The following VPS11 variants were observed in gnomAD, a reference collection of about 807,000 sequenced individuals.
VPS11 encodes the protein vacuolar protein sorting-associated protein 11 homolog.
A neutral mutation model predicts 106.8 loss-of-function variants in VPS11; 51 were observed. The observed-to-expected ratio is 0.48, with a 90% CI of 0.38 to 0.60. VPS11 has a LOEUF of 0.60. Ranked by LOEUF, VPS11 falls within the 20% of genes least tolerant of loss-of-function variation. The pLI is 0.00. For synonymous variants in VPS11, 453 were observed against 458.7 expected (o/e 0.99, Z 0.16); for missense variants, 950 against 1,190.0 (o/e 0.80, Z 2.97).
Position 119,081,330 on chromosome 11 carries a change from C to T in VPS11, c.2661+16C>T. 6.2e-7 allele frequency: 1 copy of T among 1,613,732 alleles called. No homozygotes were observed. The highest frequency in any genetic ancestry group is 8.5e-7 in the Non-Finnish European group (1 of 1,179,674). On this transcript the variant is annotated intron_variant, in intron 15 of 15. Transcript: ENST00000621676. The stretch of plus-strand genomic sequence containing the variant: ...CCAGCATCAGGTGGGGATGAGTGGG[C>T]TAGATGGGCCAGGGGATTCCCACTA...
chr11:119,070,028 A>AAATAAATAAATAAAT (rs375064434), intron 3 of VPS11, among the ~76,000 whole-genome samples: 3 of 28,134 alleles, frequency 1.1e-4, no homozygotes, highest in East Asian at 2.9e-3. Flanking sequence ...ATAAATAAAT[A>AAATAAATAAATAAAT]AAATAAATAA....
intron 5 of VPS11, 109 bp downstream of exon 5, chr11:119,071,952 C>A: frequency 1.4e-6 from 2 of 1,397,742 alleles, no homozygotes; most frequent in Non-Finnish European, 9.7e-7. Flanking sequence ...ACTCCTACTC[C>A]GGTGTTATGT....
chr11:119,081,151 C>G lies in VPS11; in HGVS notation c.2498C>G (p.Ser833Ter). 1 of 1,614,070 alleles carries G rather than the reference C, an allele frequency of 6.2e-7. No homozygotes were observed. The highest frequency in any genetic ancestry group is 8.5e-7 in the Non-Finnish European group (1 of 1,179,910). ...SICNSALELP[S>*]VHFLCGHSFH... ...TGTAACAGTGCCTTGGAGTTGCCCT[C>G]AGTCCACTTCCTGTGTGGCCACTCC... Residue 833 changes from serine to a stop codon, truncating the protein, a stop_gained, in exon 15 of 16, where the codon TCA (serine) becomes TGA (stop). Transcript: ENST00000621676. LOFTEE classifies it high-confidence loss of function.
chr11:119,075,434 G>A (rs1171453146), intron 7 of VPS11, among the ~76,000 whole-genome samples: 3 of 151,596 alleles, frequency 2.0e-5, no homozygotes, highest in East Asian at 1.9e-4. Context: ...GCTGGGCGCC[G>A]TGGCTCATTC....
intron 8 of VPS11, 105 bp from the exon 9 acceptor site, chr11:119,077,396 G>T: frequency 7.0e-7 from 1 of 1,434,738 alleles, no homozygotes. Flanking sequence ...TTCAAAGTGT[G>T]AACGTTATGA....
chr11:119,081,119 C>T lies in VPS11; in HGVS notation c.2466C>T (p.Cys822=). The change falls in exon 15 of 16, where the codon TGC becomes TGT. Residue 822 remains cysteine (C), a synonymous_variant. Coordinates refer to ENST00000621676, the MANE Select transcript of VPS11 (RefSeq NM_021729.6). ...ASPKIFQKTK[C]SICNSALELP... ...CTAAGATTTTCCAAAAGACCAAGTG[C>T]AGCATCTGTAACAGTGCCTTGGAGT... 1 of 1,614,060 alleles carries T rather than the reference C, an allele frequency of 6.2e-7. No individual in the cohort carries two copies. The highest frequency in any genetic ancestry group is 8.5e-7 in the Non-Finnish European group (1 of 1,179,894).
intron 7 of VPS11, among the ~76,000 whole-genome samples, chr11:119,076,593 A>G (rs2134782520): frequency 6.6e-6 from 1 of 152,244 alleles, no homozygotes; most frequent in African/African-American, 2.4e-5. Context: ...ACAACAATAA[A>G]ACAACAACAA....
intron 14 of VPS11, among the ~76,000 whole-genome samples, 188 bp downstream of exon 14, chr11:119,079,488 GGAT>G (rs1945769139): frequency 6.6e-6 from 1 of 152,176 alleles, no homozygotes; most frequent in South Asian, 2.1e-4. Flanking sequence ...ATTGGGCTTT[GGAT>G]GATATTATTT....
chr11:119,073,508 C>T lies in VPS11; in HGVS notation c.1086+109C>T, dbSNP rs1022921956. ...GTGTTTCCCTCCTTGTGGGTCACAG[C>T]CTTACTCAGCTTCCTTAGGGTAGGA... is the stretch of plus-strand genomic sequence containing the variant. On this transcript the variant is annotated intron_variant, in intron 6 of 15. Coordinates refer to ENST00000621676, the MANE Select transcript of VPS11 (RefSeq NM_021729.6). 6.8e-6 allele frequency: 9 copies of T among 1,322,180 alleles called. No individual in the cohort carries two copies. In the African/African-American group the frequency reaches 1.3e-4, roughly 19 times the overall value. 81.9% of individuals were successfully genotyped at this position (1,322,180 alleles called of 1,614,324 possible).
Position 119,078,791 on chromosome 11 carries a change from G to A in VPS11, c.2064-4G>A, listed in dbSNP as rs200312448. ...ACTGAGGTGTGCCCTTGCCCCGGCCGCAGGTTCCAGCAGATCATGCACTAC... is the reference window on the plus strand; with the variant it reads ...ACTGAGGTGTGCCCTTGCCCCGGCCACAGGTTCCAGCAGATCATGCACTAC... On this transcript the variant is annotated splice_polypyrimidine_tract_variant and splice_region_variant and intron_variant, in intron 12 of 15. Transcript: ENST00000621676. 340 of 1,612,370 alleles carry A rather than the reference G, an allele frequency of 2.1e-4. 1 individual carries two copies. Among genetic ancestry groups the A allele is most frequent in the Middle Eastern group, 1.7e-4 (1 of 6,060 alleles).
At chr11:119,069,096 C>A in intron 1 of VPS11, 100 bp from the exon 2 acceptor site, 1 of 1,399,002 alleles carries the variant, frequency 7.1e-7, no homozygotes, top group Non-Finnish European at 9.5e-7. Context: ...TGGGAAAATC[C>A]TTGAAAATTT....
At position 119,068,066 on chromosome 11, in the gene VPS11, A is replaced by G. The variant is rs2133640783; in HGVS notation, c.187+56A>G. 2.1e-4 allele frequency: 312 copies of G among 1,517,930 alleles called. 1 individual carries two copies. In the African/African-American group the frequency reaches 3.7e-3, roughly 18 times the overall value. 94.0% of individuals were successfully genotyped at this position (1,517,930 alleles called of 1,614,324 possible). ...CCCGGGATCCCGAAGAGATCGAGTT[A>G]GGATGAAATCTGTTTGTCGGAGGGG... On this transcript the variant is annotated intron_variant, in intron 1 of 15. Transcript: ENST00000621676.
intron 7 of VPS11, among the ~76,000 whole-genome samples, chr11:119,076,181 G>A (rs950700044): frequency 4.6e-5 from 7 of 151,704 alleles, no homozygotes; most frequent in Non-Finnish European, 7.4e-5. Context: ...AGCCAAGATC[G>A]TGCCCTGCAC....
At chr11:119,069,143 G>A (rs1164052068) in intron 1 of VPS11, 53 bp from the exon 2 acceptor site, 1 of 1,605,678 alleles carries the variant, frequency 6.2e-7, no homozygotes, top group Admixed American at 1.7e-5. Context: ...CTGAGTTCTG[G>A]TCTGAATGTA....
intron 3 of VPS11, among the ~76,000 whole-genome samples, chr11:119,069,994 G>A (rs1218258077): frequency 4.2e-5 from 1 of 23,776 alleles, no homozygotes; most frequent in East Asian, 4.2e-3. Context: ...GCAAAACTCT[G>A]TCTCAAAATA....
Position 119,081,798 on chromosome 11 carries a change from C to A in VPS11, c.*175C>A. 3 of 852,544 alleles carry A rather than the reference C, an allele frequency of 3.5e-6. No homozygotes were observed. The highest frequency in any genetic ancestry group is 5.3e-6 in the Non-Finnish European group (3 of 567,216). The allele number at this position is 852,544 out of a possible 1,614,324, so 52.8% of individuals were successfully genotyped here. On this transcript the variant is annotated 3_prime_UTR_variant, in exon 16 of 16. Transcript: ENST00000621676. ...TTTCCCTGCCTTCTTATTTAGTCAGCTTGCCATCCCTCCTCTTCACTAGCA... is the reference window on the plus strand; with the variant it reads ...TTTCCCTGCCTTCTTATTTAGTCAGATTGCCATCCCTCCTCTTCACTAGCA...
Position 119,081,694 on chromosome 11 carries a change from T to A in VPS11, c.*71T>A, listed in dbSNP as rs1945858992. On this transcript the variant is annotated 3_prime_UTR_variant, in exon 16 of 16. Transcript: ENST00000621676. ...AGACACAATGGGACCTGGGCGGGCG[T>A]TACACAGAAGGCTGGCTGACATGCC... 1.9e-6 allele frequency: 3 copies of A among 1,557,810 alleles called. No individual in the cohort carries two copies. Among genetic ancestry groups the A allele is most frequent in the East Asian group, 2.3e-5 (1 of 43,002 alleles).
intron 7 of VPS11, among the ~76,000 whole-genome samples, chr11:119,075,881 A>G (rs912109921): frequency 2.0e-5 from 3 of 151,854 alleles, no homozygotes; most frequent in Admixed American, 6.6e-5. Flanking sequence ...CAGCCTGGGC[A>G]ACAGAGCAAG....
In VPS11 at chr11:119,072,795, CTGTTT is replaced by C. The variant is rs548915298; in HGVS notation, c.885-395_885-391del. On this transcript the variant is annotated intron_variant, in intron 5 of 15. Coordinates refer to ENST00000621676, the MANE Select transcript of VPS11 (RefSeq NM_021729.6). ...CTGGGAAACGTAGGATGCAAGTTTT[CTGTTT>C]TGTTTTGGTTTTATTTTTTTAAGGG... 5.0e-3 allele frequency: 845 copies of C among 168,752 alleles called. 6 individuals are homozygous for C. Among genetic ancestry groups the C allele is most frequent in the Non-Finnish European group, 8.2e-3 (644 of 78,434 alleles). 10.5% of individuals were successfully genotyped at this position (168,752 alleles called of 1,614,324 possible). A position where few individuals can be genotyped will look rare whatever the true frequency, so the allele number is the denominator to read the frequency against.
Sources: gnomAD v4.1 joint callset for allele counts (sites outside exome capture counted in the v4.1 genomes callset) on GRCh38, gnomAD v4.1.1 for gene constraint, MANE v1.5 for transcripts, NCBI Gene and HGNC (gene_info 2026-07-23, HGNC 2026-07-21) for gene names.